The following COP1 variants were observed in gnomAD, a reference collection of about 807,000 sequenced individuals.
COP1 encodes the protein COP1 E3 ubiquitin ligase.
A neutral mutation model predicts 101.3 loss-of-function variants in COP1; 24 were observed. The observed-to-expected ratio is 0.24, with a 90% CI of 0.17 to 0.33. The LOEUF is 0.33. Among genes scored for constraint, COP1 ranks in the 10% least tolerant of loss-of-function variants. The pLI is 1.00. For synonymous variants in COP1, 347 were observed against 341.9 expected (o/e 1.01, Z -0.17); for missense variants, 663 against 906.2 (o/e 0.73, Z 3.45).
At chr1:176,138,027 T>C (rs1339708055) in intron 6 of COP1, among the ~76,000 whole-genome samples, 3 of 152,110 alleles carry the variant, frequency 2.0e-5, no homozygotes, top group Non-Finnish European at 4.4e-5. Context: ...CCACATCTAA[T>C]GTAGAGCTGG....
At chr1:176,052,153 A>T (rs1483170656) in intron 11 of COP1, among the ~76,000 whole-genome samples, 2 of 152,136 alleles carry the variant, frequency 1.3e-5, no homozygotes, top group Non-Finnish European at 2.9e-5. Flanking sequence ...ACCAGTTTCT[A>T]TCTGGTATAT....
At chr1:176,115,261 C>T (rs1184944324) in intron 9 of COP1, among the ~76,000 whole-genome samples, 2 of 151,576 alleles carry the variant, frequency 1.3e-5, no homozygotes, top group Non-Finnish European at 2.9e-5. Context: ...CCAGCCTGGC[C>T]AACATGGTGA....
At chr1:176,022,683 T>C (rs1261141541) in intron 15 of COP1, among the ~76,000 whole-genome samples, 1 of 152,186 alleles carries the variant, frequency 6.6e-6, no homozygotes, top group Non-Finnish European at 1.5e-5. Context: ...TGAAAGGCAA[T>C]GAATTAAGCA....
At position 176,127,591 on chromosome 1, in the gene COP1, A is replaced by G. The variant is rs10913140; in HGVS notation, c.968+7419T>C. On this transcript the variant is annotated intron_variant, in intron 8 of 19. Coordinates refer to ENST00000367669, the MANE Select transcript of COP1 (RefSeq NM_022457.7). The stretch of plus-strand genomic sequence containing the variant: ...TGTGTGTGTGTGTGTGTGTGTGTGT[A>G]TGTGTATATATGTGTGTGTGTGTAT... 8.1e-3 allele frequency among the ~76,000 whole-genome samples: 423 copies of G among 52,006 alleles called. 3 individuals are homozygous for G. Among genetic ancestry groups the G allele is most frequent in the African/African-American group, 0.016 (371 of 22,662 alleles). The allele number at this position is 52,006 out of a possible 152,430, so 34.1% of individuals were successfully genotyped here. A position where few individuals can be genotyped will look rare whatever the true frequency, so the allele number is the denominator to read the frequency against.
intron 5 of COP1, among the ~76,000 whole-genome samples, chr1:176,151,377 G>GAAAGA (rs1553292884): frequency 9.1e-6 from 1 of 109,802 alleles, no homozygotes; most frequent in Admixed American, 8.2e-5. Flanking sequence ...AAGAAAGAAA[G>GAAAGA]AAAGAAAGAA....
chr1:176,060,052 A>G (rs34208465), intron 11 of COP1, among the ~76,000 whole-genome samples: 5,181 of 152,300 alleles, frequency 0.034, 126 homozygotes, highest in Non-Finnish European at 0.054. Context: ...TTTATTCCAT[A>G]GGCACTAAAT....
intron 5 of COP1, among the ~76,000 whole-genome samples, chr1:176,155,555 A>C (rs1380204898): frequency 2.0e-5 from 3 of 152,038 alleles, no homozygotes; most frequent in Non-Finnish European, 4.4e-5. Flanking sequence ...GAAGGAGAGC[A>C]AAGGGCTGAA....
At chr1:176,050,271 T>C (rs541132758) in intron 11 of COP1, among the ~76,000 whole-genome samples, 1 of 152,318 alleles carries the variant, frequency 6.6e-6, no homozygotes, top group Admixed American at 6.5e-5. Context: ...ATTAGTCAAG[T>C]GATTAAGCAG....
At chr1:176,154,475 G>A (rs554746436) in intron 5 of COP1, among the ~76,000 whole-genome samples, 36 of 152,242 alleles carry the variant, frequency 2.4e-4, no homozygotes, top group Non-Finnish European at 3.5e-4. Flanking sequence ...AGGAGATCAC[G>A]TCCTCTGCAG....
chr1:175,953,775 A>C (rs911974274), intron 18 of COP1, among the ~76,000 whole-genome samples: 8 of 151,974 alleles, frequency 5.3e-5, no homozygotes, highest in East Asian at 1.9e-4. Flanking sequence ...AAAAAAAAAA[A>C]AAAACTCCTA....
chr1:175,961,007 A>AT (rs1479148477), intron 18 of COP1, among the ~76,000 whole-genome samples: 52 of 152,204 alleles, frequency 3.4e-4, no homozygotes, highest in East Asian at 5.8e-4. Flanking sequence ...AGAAAGGTGA[A>AT]TTTGCTTCCT....
intron 11 of COP1, among the ~76,000 whole-genome samples, chr1:176,052,205 T>TA (rs1672689775): frequency 6.6e-6 from 1 of 152,202 alleles, no homozygotes; most frequent in African/African-American, 2.4e-5. Flanking sequence ...TAAAGCTACC[T>TA]ACAGCATTCA....
At chr1:176,138,652 A>G (rs1349855801) in intron 6 of COP1, among the ~76,000 whole-genome samples, 1 of 152,088 alleles carries the variant, frequency 6.6e-6, no homozygotes, top group Non-Finnish European at 1.5e-5. Context: ...CACTATTTCT[A>G]CTCCATTCCA....
intron 11 of COP1, among the ~76,000 whole-genome samples, chr1:176,079,069 A>G (rs1678622565): frequency 6.6e-6 from 1 of 152,210 alleles, no homozygotes; most frequent in Admixed American, 6.5e-5. Flanking sequence ...CACTATGGAA[A>G]GCAGTTTGGA....
At chr1:175,974,006 G>A (rs1653904689) in intron 18 of COP1, among the ~76,000 whole-genome samples, 1 of 152,186 alleles carries the variant, frequency 6.6e-6, no homozygotes, top group South Asian at 2.1e-4. Context: ...GCTGGAGAGG[G>A]AGGTGGGGGC....
At chr1:175,996,427 G>C (rs1660172944) in intron 15 of COP1, among the ~76,000 whole-genome samples, 2 of 151,108 alleles carry the variant, frequency 1.3e-5, no homozygotes, top group South Asian at 4.2e-4. Context: ...GAAATAAAGG[G>C]TATTCAATTA....
chr1:176,079,758 C>T (rs1168064707), intron 11 of COP1, among the ~76,000 whole-genome samples: 2 of 152,004 alleles, frequency 1.3e-5, no homozygotes, highest in African/African-American at 4.8e-5. Flanking sequence ...ACATAAAACT[C>T]GTACAGCAAA....
chr1:176,206,889 A>G lies in COP1; in HGVS notation c.90T>C (p.Ser30=), dbSNP rs1473494195. Residue 30 remains serine (S), a synonymous_variant, in exon 1 of 20, where the codon TCT becomes TCC. Transcript: ENST00000367669. The stretch of plus-strand genomic sequence containing the variant: ...AAGGCGGCGACGGGGAAGAGGATAA[A>G]GACGAGGAGGCGGAAGTCACCGAGG... ...AASSVTSASS[S]LSSSPSPPSV... The G allele has an allele frequency of 1.4e-6, 2 of 1,464,546 alleles. No homozygotes were observed. Among genetic ancestry groups the G allele is most frequent in the Non-Finnish European group, 1.8e-6 (2 of 1,113,926 alleles). 90.7% of individuals were successfully genotyped at this position (1,464,546 alleles called of 1,614,324 possible). A position where few individuals can be genotyped will look rare whatever the true frequency, so the allele number is the denominator to read the frequency against.
intron 1 of COP1, among the ~76,000 whole-genome samples, chr1:176,203,332 G>A (rs1700482987): frequency 6.6e-6 from 1 of 151,586 alleles, no homozygotes; most frequent in Non-Finnish European, 1.5e-5. Context: ...GCGAGACTCC[G>A]TCTCAAAAAA....
Sources: gnomAD v4.1 joint callset for allele counts (sites outside exome capture counted in the v4.1 genomes callset) on GRCh38, gnomAD v4.1.1 for gene constraint, MANE v1.5 for transcripts, NCBI Gene and HGNC (gene_info 2026-07-23, HGNC 2026-07-21) for gene names.